Variants in EPHA2 observed in about 807,000 individuals in gnomAD.
EPHA2 encodes EPH receptor A2, also known as ephrin type-A receptor 2.
A neutral mutation model predicts 104.9 loss-of-function variants in EPHA2; 54 were observed. The ratio of observed to expected loss-of-function variants is 0.51; its 90% confidence interval spans 0.41 to 0.65. The LOEUF is 0.65. Among genes scored for constraint, EPHA2 ranks in the 30% least tolerant of loss-of-function variants. The probability of loss-of-function intolerance (pLI) is 0.00; values close to 1 mark genes in which losing one functional copy is unlikely to be tolerated. For missense variants in EPHA2, 1,117 were observed against 1,369.5 expected, an observed-to-expected ratio of 0.82 and a Z score of 2.91; for synonymous variants, 560 against 559.1, an observed-to-expected ratio of 1.00 and a Z score of -0.02.
chr1:16,142,924 G>GGAA (rs1228128809), intron 3 of EPHA2, among the ~76,000 whole-genome samples: 2 of 143,734 alleles, frequency 1.4e-5, no homozygotes, highest in Non-Finnish European at 3.0e-5. Flanking sequence ...GTGGACGGAT[G>GGAA]GATGAGTAGA....
rs11800805 is a variant in EPHA2, at chr1:16,125,706, A to G, written c.2826-386T>C. Among the ~76,000 whole-genome samples the G allele has an allele frequency of 0.41, 62,923 of 152,050 alleles. 15,237 individuals carry two copies. Among genetic ancestry groups the G allele is most frequent in the African/African-American group, 0.68 (28,136 of 41,458 alleles). ...CAGAGAGGTAAAGTGACTTGCCTGA[A>G]GTCACACAGCTAGGAGGTGGAAGAG... On this transcript the variant is annotated intron_variant, in intron 16 of 16. Coordinates refer to ENST00000358432, the MANE Select transcript of EPHA2 (RefSeq NM_004431.5). The surrounding 1 kb of genome is among the most constrained non-coding windows in gnomAD (Gnocchi z 4.9).
chr1:16,153,049 C>T, intron 1 of EPHA2: 4 of 910,374 alleles, frequency 4.4e-6, no homozygotes, highest in Non-Finnish European at 5.3e-6. Flanking sequence ...TCGGCTGACC[C>T]AGACGGCTTC....
At chr1:16,136,315 T>TAATAATAATAAC (rs2024682710) in intron 5 of EPHA2, among the ~76,000 whole-genome samples, 1 of 141,876 alleles carries the variant, frequency 7.0e-6, no homozygotes, top group Non-Finnish European at 1.5e-5. Flanking sequence ...ATAATAATAA[T>TAATAATAATAAC]AATAATAATA....
rs1294005445 is a variant in EPHA2, at chr1:16,134,983, A to G, written c.1582+53T>C. The G allele has an allele frequency of 7.5e-6, 12 of 1,601,688 alleles. No individual in the cohort carries two copies. The highest frequency in any genetic ancestry group is 4.4e-5 in the South Asian group (4 of 90,758). Reference sequence around the variant, plus strand: ...TCACTTCCTTTCCCAAGATGTCTCAATTGCTTGGTTCTGGGCCCTGGCCTG... The same window carrying G: ...TCACTTCCTTTCCCAAGATGTCTCAGTTGCTTGGTTCTGGGCCCTGGCCTG... On this transcript the variant is annotated intron_variant, in intron 7 of 16. Transcript: ENST00000358432. This position sits in a 1 kb window ranked among gnomAD's most constrained non-coding sequence, Gnocchi z 4.5.
chr1:16,140,463 G>T (rs1218936959), intron 3 of EPHA2, among the ~76,000 whole-genome samples: 1 of 152,172 alleles, frequency 6.6e-6, no homozygotes, highest in Non-Finnish European at 1.5e-5. Flanking sequence ...CAATAGACCT[G>T]CTATATACAG....
rs1570403588 is a variant in EPHA2, at chr1:16,134,903, A to G, written c.1582+133T>C. On this transcript the variant is annotated intron_variant, in intron 7 of 16. Transcript: ENST00000358432. The surrounding 1 kb of genome is among the most constrained non-coding windows in gnomAD (Gnocchi z 4.5). ...CCCCAGGCTTGGGGGCAGTCCCCGAAGGGCTGTCCCAGGCCGCCGGTGACC... is the reference window on the plus strand; with the variant it reads ...CCCCAGGCTTGGGGGCAGTCCCCGAGGGGCTGTCCCAGGCCGCCGGTGACC... 5 of 1,428,758 alleles carry G rather than the reference A, an allele frequency of 3.5e-6. No individual in the cohort carries two copies. Among genetic ancestry groups the G allele is most frequent in the Non-Finnish European group, 4.8e-6 (5 of 1,048,316 alleles). 88.5% of individuals were successfully genotyped at this position (1,428,758 alleles called of 1,614,324 possible).
chr1:16,136,408 T>C (rs1010462098), intron 5 of EPHA2, among the ~76,000 whole-genome samples: 17 of 150,866 alleles, frequency 1.1e-4, no homozygotes, highest in Middle Eastern at 6.9e-3. Context: ...TTGCCTGAGG[T>C]TGGGAGTTCG....
At chr1:16,137,781 C>T in intron 5 of EPHA2, 72 bp downstream of exon 5, 1 of 1,581,232 alleles carries the variant, frequency 6.3e-7, no homozygotes, top group Non-Finnish European at 8.6e-7. Context: ...CACCCGAGCC[C>T]CAGATGGCCG....
At chr1:16,143,158 TGATGGATGGATGGATGGATGGATG>T (rs34028517) in intron 3 of EPHA2, among the ~76,000 whole-genome samples, 1 of 123,070 alleles carries the variant, frequency 8.1e-6, no homozygotes, top group East Asian at 2.5e-4. Context: ...AATGGATGGA[TGATGGATGGATGGATGGATGGATG>T]GATGGATGAA....
chr1:16,152,940 T>C (rs954837675), intron 1 of EPHA2, among the ~76,000 whole-genome samples: 1 of 152,096 alleles, frequency 6.6e-6, no homozygotes, highest in African/African-American at 2.4e-5. Context: ...CGCCCAGCGC[T>C]GGGTCCCTCC....
chr1:16,141,636 G>A (rs2124239188), intron 3 of EPHA2, among the ~76,000 whole-genome samples: 1 of 152,356 alleles, frequency 6.6e-6, no homozygotes, highest in East Asian at 1.9e-4. Context: ...CCCAGGCTCG[G>A]ACCCACTGGA....
chr1:16,135,314 CT>C lies in EPHA2; in HGVS notation c.1429-126del. The C allele has an allele frequency of 7.8e-7, 1 of 1,280,622 alleles. No homozygotes were observed. Among genetic ancestry groups the C allele is most frequent in the Non-Finnish European group, 1.1e-6 (1 of 899,040 alleles). 79.3% of individuals were successfully genotyped at this position (1,280,622 alleles called of 1,614,324 possible). On this transcript the variant is annotated intron_variant, in intron 6 of 16. Coordinates refer to ENST00000358432, the MANE Select transcript of EPHA2 (RefSeq NM_004431.5). This position sits in a 1 kb window ranked among gnomAD's most constrained non-coding sequence, Gnocchi z 4.3. ...CTTTGTTAGCAAACTTGAGGCTCTTCTTACAGAGGAGGAAACTGAGGCTCGG... is the reference window on the plus strand; with the variant it reads ...CTTTGTTAGCAAACTTGAGGCTCTTCTACAGAGGAGGAAACTGAGGCTCGG...
chr1:16,133,093 A>T, intron 11 of EPHA2, 87 bp downstream of exon 11: 1 of 1,563,788 alleles, frequency 6.4e-7, no homozygotes, highest in East Asian at 2.3e-5. Flanking sequence ...AGGTGGGCAC[A>T]GGTATAGGGG....
At chr1:16,145,164 C>A (rs920963344) in intron 3 of EPHA2, among the ~76,000 whole-genome samples, 3 of 152,240 alleles carry the variant, frequency 2.0e-5, no homozygotes, top group Non-Finnish European at 4.4e-5. Context: ...GAGGCGCCAG[C>A]AGGGGCCCCG....
At position 16,138,162 on chromosome 1, in the gene EPHA2, G is replaced by A. The variant is rs2124227823; in HGVS notation, c.1003C>T (p.Leu335Phe). Reference sequence around the variant, plus strand: ...TTGGCACCCATGCCCACGGCTGTGAGGTAGTGTGGGGCGGAGGGGGGTCCT... The same window carrying A: ...TTGGCACCCATGCCCACGGCTGTGAAGTAGTGTGGGGCGGAGGGGGGTCCT... ...CTRPPSAPHY[L>F]TAVGMGAKVE... The change falls in exon 5 of 17, where the codon CTC becomes TTC. Residue 335 changes from leucine to phenylalanine, a missense_variant. Leu to Phe is a conservative substitution (Grantham distance 22). Coordinates refer to ENST00000358432, the MANE Select transcript of EPHA2 (RefSeq NM_004431.5). 6.2e-7 allele frequency: 1 copy of A among 1,609,292 alleles called. No individual in the cohort carries two copies.
At chr1:16,153,205 TG>T (rs2025077017) in intron 1 of EPHA2, 2 of 985,148 alleles carry the variant, frequency 2.0e-6, no homozygotes, top group South Asian at 4.7e-5. Flanking sequence ...GGGTCCACAT[TG>T]CTCCACAGCT....
At position 16,150,779 on chromosome 1, in the gene EPHA2, G is replaced by T; in HGVS notation, c.153+117C>A. 8.5e-7 allele frequency: 1 copy of T among 1,175,512 alleles called. No individual in the cohort carries two copies. Among genetic ancestry groups the T allele is most frequent in the Non-Finnish European group, 1.3e-6 (1 of 795,052 alleles). The allele number at this position is 1,175,512 out of a possible 1,614,324, so 72.8% of individuals were successfully genotyped here. A position where few individuals can be genotyped will look rare whatever the true frequency, so the allele number is the denominator to read the frequency against. ...AAGCTGGACCCTGAGCCTGAGACCT[G>T]GCTGAGCTGCTGAATTGAAGCCAGG... On this transcript the variant is annotated intron_variant, in intron 2 of 16. Transcript: ENST00000358432. The surrounding 1 kb of genome is among the most constrained non-coding windows in gnomAD (Gnocchi z 4.8).
chr1:16,142,285 A>T (rs1436398578), intron 3 of EPHA2, among the ~76,000 whole-genome samples: 3 of 152,256 alleles, frequency 2.0e-5, no homozygotes, highest in Admixed American at 6.5e-5. Flanking sequence ...GGGTGCTAGG[A>T]TGCGATGGTG....
Position 16,138,190 on chromosome 1 carries a change from A to C in EPHA2, c.980-5T>G, listed in dbSNP as rs749650211. The C allele has an allele frequency of 3.1e-6, 5 of 1,610,656 alleles. No individual in the cohort carries two copies. Among genetic ancestry groups the C allele is most frequent in the Non-Finnish European group, 4.2e-6 (5 of 1,179,878 alleles). ...AGTGTGGGGCGGAGGGGGGTCCTGCACAGACAGGAGGAGTCAGTGCTGTGC... is the reference window on the plus strand; with the variant it reads ...AGTGTGGGGCGGAGGGGGGTCCTGCCCAGACAGGAGGAGTCAGTGCTGTGC... On this transcript the variant is annotated splice_polypyrimidine_tract_variant and splice_region_variant and intron_variant, in intron 4 of 16. Coordinates refer to ENST00000358432, the MANE Select transcript of EPHA2 (RefSeq NM_004431.5).
Sources: gnomAD v4.1 joint callset for allele counts (sites outside exome capture counted in the v4.1 genomes callset) on GRCh38, gnomAD v4.1.1 for gene constraint, Gnocchi (gnomAD v3.1) non-coding constraint, MANE v1.5 for transcripts, NCBI Gene and HGNC (gene_info 2026-07-23, HGNC 2026-07-21) for gene names.